SHQ1: variants seen among roughly 807,000 people sequenced by gnomAD.
The protein encoded by SHQ1 is protein SHQ1 homolog.
In SHQ1, 49 loss-of-function variants were observed where a neutral mutation model predicts 53.8. The observed-to-expected ratio is 0.91, with a 90% CI of 0.72 to 1.16. The LOEUF is 1.16. Among genes scored for constraint, SHQ1 ranks in the 50% most tolerant of loss-of-function variants. The pLI, the probability that SHQ1 is intolerant of heterozygous loss-of-function variation, is 0.00. For missense variants in SHQ1, 738 were observed against 683.1 expected, an observed-to-expected ratio of 1.08 and a Z score of -0.90; for synonymous variants, 243 against 251.0, an observed-to-expected ratio of 0.97 and a Z score of 0.30.
At chr3:72,769,207 G>A (rs1705795524) in intron 10 of SHQ1, among the ~76,000 whole-genome samples, 1 of 152,174 alleles carries the variant, frequency 6.6e-6, no homozygotes, top group Non-Finnish European at 1.5e-5. Flanking sequence ...CCCAGCTCTA[G>A]CCAATTGTTA....
At chr3:72,809,342 T>G (rs1033462233) in intron 9 of SHQ1, among the ~76,000 whole-genome samples, 1 of 152,140 alleles carries the variant, frequency 6.6e-6, no homozygotes, top group Non-Finnish European at 1.5e-5. Flanking sequence ...GTAAAAGAAC[T>G]TTTTTAAAAT....
intron 10 of SHQ1, among the ~76,000 whole-genome samples, chr3:72,788,530 G>C (rs1018074361): frequency 1.3e-5 from 2 of 150,622 alleles, no homozygotes; most frequent in Non-Finnish European, 3.0e-5. Context: ...CCGCCCCGTC[G>C]GGGAAGTGAG....
rs1354009064 is a variant in SHQ1, at chr3:72,824,688, A to G, written c.600-137T>C. The G allele has an allele frequency of 8.7e-6, 9 of 1,032,010 alleles. No individual in the cohort carries two copies. The East Asian group carries it at 1.4e-4, about 16-fold the overall frequency. 63.9% of individuals were successfully genotyped at this position (1,032,010 alleles called of 1,614,324 possible). ...ACATTTCAAGGAAAGACTGAACACT[A>G]TATTTACTTTCTTTGTAGTTACTAA... On this transcript the variant is annotated intron_variant, in intron 5 of 10. Transcript: ENST00000325599.
At chr3:72,764,071 G>A (rs540624751) in intron 10 of SHQ1, among the ~76,000 whole-genome samples, 7 of 151,130 alleles carry the variant, frequency 4.6e-5, no homozygotes, top group Admixed American at 1.3e-4. Flanking sequence ...TTTTCTTTGC[G>A]TAATAACATG....
the SHQ1 span, among the ~76,000 whole-genome samples, chr3:72,742,885 C>A: frequency 6.6e-6 from 1 of 152,190 alleles, no homozygotes; most frequent in East Asian, 1.9e-4. Flanking sequence ...ATCCACCTGC[C>A]TCGGCCTCCC....
chr3:72,737,981 T>C, the SHQ1 span, among the ~76,000 whole-genome samples: 1 of 152,328 alleles, frequency 6.6e-6, no homozygotes. Flanking sequence ...AGTGGATGTG[T>C]CTTTCCGTGG....
In SHQ1 at chr3:72,758,560, ATTTTT is replaced by A. The variant is rs201098371; in HGVS notation, c.1182-7729_1182-7725del. ...ATTTTTCACAGCTCCTGAGGCTACT[ATTTTT>A]TCTTTTTTTTTTTTTTTTTTCCGAG... On this transcript the variant is annotated intron_variant, in intron 10 of 10. Transcript: ENST00000325599. Among the ~76,000 whole-genome samples the A allele has an allele frequency of 9.5e-4, 128 of 134,146 alleles. 2 individuals are homozygous for A. In the East Asian group the frequency reaches 0.023, roughly 24 times the overall value. 88.0% of individuals were successfully genotyped at this position (134,146 alleles called of 152,430 possible).
chr3:72,746,562 C>T (rs1165700846), downstream of SHQ1, among the ~76,000 whole-genome samples: 2 of 152,216 alleles, frequency 1.3e-5, no homozygotes, highest in East Asian at 1.9e-4. Context: ...ACTGCCGACA[C>T]GGACTCTGAA....
chr3:72,766,359 C>T (rs1380471025), intron 10 of SHQ1, among the ~76,000 whole-genome samples: 1 of 152,126 alleles, frequency 6.6e-6, no homozygotes, highest in Non-Finnish European at 1.5e-5. Context: ...ACCATCCATC[C>T]ACCTCTGTGG....
At chr3:72,733,249 C>G in the SHQ1 span, among the ~76,000 whole-genome samples, 1 of 151,604 alleles carries the variant, frequency 6.6e-6, no homozygotes, top group African/African-American at 2.4e-5. Flanking sequence ...TTCCTTCTCA[C>G]AAAGCTTTGT....
intron 1 of SHQ1, chr3:72,846,163 T>C: frequency 2.0e-5 from 31 of 1,513,928 alleles, no homozygotes; most frequent in Non-Finnish European, 2.5e-5. Flanking sequence ...TCCCCTAAAC[T>C]CTATAAGCCT....
At chr3:72,772,870 G>A (rs1485169413) in intron 10 of SHQ1, 5 of 780,542 alleles carry the variant, frequency 6.4e-6, no homozygotes, top group African/African-American at 1.7e-5. Context: ...ATGGGAAGCT[G>A]TGGACAAATC....
chr3:72,772,207 T>C (rs1705869544), intron 10 of SHQ1, among the ~76,000 whole-genome samples: 1 of 146,148 alleles, frequency 6.8e-6, no homozygotes, highest in African/African-American at 2.5e-5. Flanking sequence ...GTAGAGAAAA[T>C]GGAATGTGCC....
chr3:72,844,723 C>G (rs978880825), intron 1 of SHQ1, among the ~76,000 whole-genome samples: 9 of 152,104 alleles, frequency 5.9e-5, no homozygotes, highest in Non-Finnish European at 1.2e-4. Flanking sequence ...TTGAGTATCC[C>G]TAATCTGAAA....
chr3:72,783,938 G>A (rs1048417452), intron 10 of SHQ1, among the ~76,000 whole-genome samples: 1 of 151,820 alleles, frequency 6.6e-6, no homozygotes, highest in African/African-American at 2.4e-5. Context: ...AAGAGAAAAA[G>A]GACATTAGGT....
intron 5 of SHQ1, among the ~76,000 whole-genome samples, chr3:72,829,585 C>T (rs1284536538): frequency 6.6e-6 from 1 of 152,194 alleles, no homozygotes; most frequent in East Asian, 1.9e-4. Flanking sequence ...GAATTGAGAG[C>T]CACCTCAGAA....
At chr3:72,837,876 T>C (rs1222325815) in intron 4 of SHQ1, among the ~76,000 whole-genome samples, 52 of 152,220 alleles carry the variant, frequency 3.4e-4, no homozygotes. Flanking sequence ...AAGATTTCTG[T>C]GGCAATATTT....
At chr3:72,809,006 T>C (rs1707037735) in intron 9 of SHQ1, among the ~76,000 whole-genome samples, 1 of 152,180 alleles carries the variant, frequency 6.6e-6, no homozygotes, top group Non-Finnish European at 1.5e-5. Flanking sequence ...GGTGCTTTTC[T>C]GTTACCTTAA....
chr3:72,846,387 C>A (rs1038425125), intron 1 of SHQ1: 5 of 1,310,808 alleles, frequency 3.8e-6, no homozygotes, highest in Non-Finnish European at 5.2e-6. Context: ...CTTCGCCCCC[C>A]AGGTTCAAGC....
Sources: gnomAD v4.1 joint callset for allele counts (sites outside exome capture counted in the v4.1 genomes callset) on GRCh38, gnomAD v4.1.1 for gene constraint, MANE v1.5 for transcripts, NCBI Gene and HGNC (gene_info 2026-07-23, HGNC 2026-07-21) for gene names.